SPATS2: variants seen among roughly 807,000 people sequenced by gnomAD.
SPATS2 encodes spermatogenesis-associated serine-rich protein 2.
SPATS2 carries 38 observed loss-of-function variants against 63.7 expected under a neutral mutation model. The observed-to-expected ratio is 0.60, with a 90% CI of 0.46 to 0.78. The LOEUF (loss-of-function observed/expected upper bound fraction) is 0.78, where lower values mean the gene tolerates loss of function less well. Among genes scored for constraint, SPATS2 ranks in the 30% least tolerant of loss-of-function variants. The pLI, the probability that SPATS2 is intolerant of heterozygous loss-of-function variation, is 0.00. For missense variants in SPATS2, 588 were observed against 666.2 expected, an observed-to-expected ratio of 0.88 and a Z score of 1.29; for synonymous variants, 207 against 232.9, an observed-to-expected ratio of 0.89 and a Z score of 1.01.
chr12:49,523,204 G>A (rs1016425788), intron 12 of SPATS2, among the ~76,000 whole-genome samples: 4 of 152,144 alleles, frequency 2.6e-5, no homozygotes, highest in South Asian at 2.1e-4. Context: ...GCCACGCGCC[G>A]AGGCTCACAT....
At chr12:49,477,414 G>A (rs1946136209) in intron 3 of SPATS2, among the ~76,000 whole-genome samples, 1 of 152,162 alleles carries the variant, frequency 6.6e-6, no homozygotes, top group Admixed American at 6.5e-5. Flanking sequence ...TGAGACTATA[G>A]GCAAATGAAA....
At chr12:49,465,234 TG>T (rs1204143909) in intron 3 of SPATS2, among the ~76,000 whole-genome samples, 1 of 152,176 alleles carries the variant, frequency 6.6e-6, no homozygotes, top group African/African-American at 2.4e-5. Flanking sequence ...TACTTAGGAG[TG>T]GACTTCTTTA....
intron 3 of SPATS2, among the ~76,000 whole-genome samples, chr12:49,481,458 ATTTTTTTT>A (rs1013711085): frequency 1.0e-5 from 1 of 97,798 alleles, no homozygotes; most frequent in South Asian, 3.5e-4. Context: ...AGGCTTCCTC[ATTTTTTTT>A]TTTTTTTTTT....
intron 2 of SPATS2, among the ~76,000 whole-genome samples, chr12:49,383,719 A>G (rs1413055227): frequency 1.3e-5 from 2 of 152,186 alleles, no homozygotes; most frequent in Non-Finnish European, 2.9e-5. Context: ...TTCTTCCTGC[A>G]TGGTGTTTAT....
Position 49,460,965 on chromosome 12 carries a change from G to C in SPATS2, c.-48G>C, listed in dbSNP as rs1434747645. The C allele has an allele frequency of 6.2e-7, 1 of 1,609,696 alleles. No individual in the cohort carries two copies. Among genetic ancestry groups the C allele is most frequent in the Non-Finnish European group, 8.5e-7 (1 of 1,177,046 alleles). ...TACCTACACTCAAAACCCAGACAAG[G>C]CAAAAGGATACTTTTCTTGTATATT... On this transcript the variant is annotated 5_prime_UTR_variant, in exon 3 of 14. Transcript: ENST00000552918.
intron 9 of SPATS2, among the ~76,000 whole-genome samples, chr12:49,500,528 T>G (rs1018661513): frequency 2.6e-5 from 4 of 152,154 alleles, no homozygotes; most frequent in Admixed American, 1.3e-4. Context: ...ATCCCAGTAC[T>G]TTGGGAGGCC....
chr12:49,433,941 G>A (rs1242174284), intron 2 of SPATS2, among the ~76,000 whole-genome samples: 1 of 152,050 alleles, frequency 6.6e-6, no homozygotes, highest in Non-Finnish European at 1.5e-5. Context: ...ATTTCTTTTT[G>A]AGTTAATTTT....
At chr12:49,395,547 C>T (rs571154511) in intron 2 of SPATS2, among the ~76,000 whole-genome samples, 5 of 152,082 alleles carry the variant, frequency 3.3e-5, no homozygotes, top group Admixed American at 6.5e-5. Flanking sequence ...GCCTCAGCCT[C>T]CCGAGTAGCT....
rs561002173 is a variant in SPATS2 at position 49,412,445 on chromosome 12, G to C, written c.-244+41155G>C. Reference sequence around the variant, plus strand: ...CCTGACTCCTGACCTCGGGTGATCGGCCTGCCTTGGCCTCCCAAAGTGCTG... The same window carrying C: ...CCTGACTCCTGACCTCGGGTGATCGCCCTGCCTTGGCCTCCCAAAGTGCTG... On this transcript the variant is annotated intron_variant, in intron 2 of 13. Transcript: ENST00000552918. 3.3e-5 allele frequency among the ~76,000 whole-genome samples: 5 copies of C among 152,174 alleles called. No homozygotes were observed. In the East Asian group the frequency reaches 9.7e-4, roughly 29 times the overall value.
At chr12:49,524,651 T>C in intron 12 of SPATS2, 31 bp from the exon 13 acceptor site, 1 of 1,606,616 alleles carries the variant, frequency 6.2e-7, no homozygotes, top group Non-Finnish European at 8.5e-7. Context: ...TTCTATCATA[T>C]GATCATATAT....
chr12:49,497,201 TTAAA>T (rs1174220868), intron 8 of SPATS2, among the ~76,000 whole-genome samples, 192 bp downstream of exon 8: 2 of 152,170 alleles, frequency 1.3e-5, no homozygotes, highest in Non-Finnish European at 2.9e-5. Flanking sequence ...TGAAAGTAGT[TTAAA>T]TGCTGTACAA....
At chr12:49,460,231 G>A (rs577821431) in intron 2 of SPATS2, among the ~76,000 whole-genome samples, 10 of 152,284 alleles carry the variant, frequency 6.6e-5, no homozygotes, top group South Asian at 2.1e-4. Flanking sequence ...CAAAGCAGGC[G>A]GATCACGAGG....
chr12:49,440,169 G>A (rs1011969918), intron 2 of SPATS2, among the ~76,000 whole-genome samples: 1 of 152,156 alleles, frequency 6.6e-6, no homozygotes, highest in Admixed American at 6.5e-5. Flanking sequence ...AGAGTAGGCT[G>A]TAGACTTCAT....
At chr12:49,522,948 C>G in intron 12 of SPATS2, 95 bp downstream of exon 12, 1 of 1,002,692 alleles carries the variant, frequency 1.0e-6, no homozygotes, top group Non-Finnish European at 1.5e-6. Context: ...TCATTAGTGC[C>G]TCTTGTTTGC....
intron 3 of SPATS2, chr12:49,462,130 C>T: frequency 1.8e-6 from 1 of 565,318 alleles, no homozygotes; most frequent in Non-Finnish European, 3.1e-6. Flanking sequence ...TTACTTTGAC[C>T]TTTTTAAAAC....
intron 2 of SPATS2, among the ~76,000 whole-genome samples, chr12:49,459,726 T>G: frequency 7.2e-6 from 1 of 138,028 alleles, no homozygotes. Flanking sequence ...AGTGAGTGTG[T>G]TTCTCATTTC....
intron 2 of SPATS2, among the ~76,000 whole-genome samples, chr12:49,427,116 A>G (rs1239347620): frequency 6.6e-6 from 1 of 152,010 alleles, no homozygotes; most frequent in Non-Finnish European, 1.5e-5. Flanking sequence ...GTTACTTCAC[A>G]TCCTCCTATG....
intron 6 of SPATS2, among the ~76,000 whole-genome samples, chr12:49,494,059 A>G (rs1946426495): frequency 6.6e-6 from 1 of 152,172 alleles, no homozygotes; most frequent in Admixed American, 6.5e-5. Flanking sequence ...ATATATAGAA[A>G]TCACTTTGCA....
At chr12:49,437,698 G>T (rs1945339745) in intron 2 of SPATS2, among the ~76,000 whole-genome samples, 1 of 151,886 alleles carries the variant, frequency 6.6e-6, no homozygotes, top group Non-Finnish European at 1.5e-5. Flanking sequence ...GCATGGCGGC[G>T]CGCGCCTGCA....
Sources: gnomAD v4.1 joint callset for allele counts (sites outside exome capture counted in the v4.1 genomes callset) on GRCh38, gnomAD v4.1.1 for gene constraint, MANE v1.5 for transcripts, NCBI Gene and HGNC (gene_info 2026-07-23, HGNC 2026-07-21) for gene names.